The following SLC15A2 variants were observed in gnomAD, a reference collection of about 807,000 sequenced individuals.
The protein encoded by SLC15A2 is kidney H(+)/peptide cotransporter.
SLC15A2 carries 77 observed loss-of-function variants against 95.5 expected under a neutral mutation model. The observed-to-expected ratio is 0.81, with a 90% CI of 0.67 to 0.97. The LOEUF (loss-of-function observed/expected upper bound fraction) is 0.97, where lower values mean the gene tolerates loss of function less well. SLC15A2 is among the 50% of genes least tolerant of loss of function. The pLI is 0.00. For synonymous variants in SLC15A2, 306 were observed against 306.9 expected, an observed-to-expected ratio of 1.00 and a Z score of 0.03; for missense variants, 893 against 874.4, an observed-to-expected ratio of 1.02 and a Z score of -0.27.
At chr3:121,914,608 C>T (rs1391769574) in intron 5 of SLC15A2, among the ~76,000 whole-genome samples, 1 of 152,202 alleles carries the variant, frequency 6.6e-6, no homozygotes, top group Non-Finnish European at 1.5e-5. Context: ...CAGGCATTCA[C>T]TTAGTTAATA....
chr3:121,935,080 A>G (rs1172088917), intron 19 of SLC15A2, among the ~76,000 whole-genome samples: 1 of 152,164 alleles, frequency 6.6e-6, no homozygotes, highest in Non-Finnish European at 1.5e-5. Context: ...TGATTTTCGT[A>G]TATTGAACCA....
At position 121,915,221 on chromosome 3, in the gene SLC15A2, T is replaced by C. The variant is rs1288837601; in HGVS notation, c.529-6T>C. On this transcript the variant is annotated splice_region_variant and splice_polypyrimidine_tract_variant and intron_variant, in intron 5 of 21. Transcript: ENST00000489711. ...TTGCACTGATGATTTATCCTGTTTG[T>C]TTCAGGCAGAGGAACGGACTAGATA... is the stretch of plus-strand genomic sequence containing the variant. The C allele has an allele frequency of 2.5e-6, 4 of 1,608,740 alleles. No individual in the cohort carries two copies. Among genetic ancestry groups the C allele is most frequent in the Non-Finnish European group, 3.4e-6 (4 of 1,175,236 alleles).
chr3:121,901,620 CAT>C (rs1709521896), intron 3 of SLC15A2, among the ~76,000 whole-genome samples: 1 of 151,454 alleles, frequency 6.6e-6, no homozygotes, highest in Non-Finnish European at 1.5e-5. Flanking sequence ...GTGTGTGTAA[CAT>C]ATACAAACAG....
At position 121,940,450 on chromosome 3, in the gene SLC15A2, A is replaced by G. The variant is rs756850143; in HGVS notation, c.1975A>G (p.Ile659Val). Residue 659 changes from isoleucine (I) to valine (V), a missense_variant, in exon 21 of 22, where the codon ATC becomes GTC. By Grantham distance (29) the Ile-to-Val change is conservative. Coordinates refer to ENST00000489711, the MANE Select transcript of SLC15A2 (RefSeq NM_021082.4). ...WLLTIAVGNI[I>V]VLVVAQFSGL... Reference sequence around the variant, plus strand: ...ATTGACAATTGCAGTTGGGAATATCATCGTGCTTGTTGTGGCACAGTTCAG... The same window carrying G: ...ATTGACAATTGCAGTTGGGAATATCGTCGTGCTTGTTGTGGCACAGTTCAG... 1 of 1,613,966 alleles carries G rather than the reference A, an allele frequency of 6.2e-7. No homozygotes were observed. Among genetic ancestry groups the G allele is most frequent in the East Asian group, 2.2e-5 (1 of 44,882 alleles).
At chr3:121,922,743 G>A (rs1361070053) in intron 8 of SLC15A2, 32 bp from the exon 9 acceptor site, 1 of 1,526,392 alleles carries the variant, frequency 6.6e-7, no homozygotes, top group Non-Finnish European at 9.0e-7. Flanking sequence ...TTTTCTCTTT[G>A]TCTCTCCCAT....
chr3:121,932,497 C>A (rs1242300991), intron 19 of SLC15A2, among the ~76,000 whole-genome samples: 1 of 152,212 alleles, frequency 6.6e-6, no homozygotes, highest in Non-Finnish European at 1.5e-5. Context: ...TCAATCCCTA[C>A]ACAAAGTTTG....
chr3:121,911,728 C>A, intron 4 of SLC15A2, 62 bp downstream of exon 4: 1 of 1,124,878 alleles, frequency 8.9e-7, no homozygotes, highest in Non-Finnish European at 1.3e-6. Flanking sequence ...AAATTATTTT[C>A]TGTTTTCTTA....
At chr3:121,921,002 C>A (rs997473774) in intron 7 of SLC15A2, among the ~76,000 whole-genome samples, 3 of 152,084 alleles carry the variant, frequency 2.0e-5, no homozygotes, top group Non-Finnish European at 2.9e-5. Context: ...TTGAAAAAAC[C>A]ACTATTTTAT....
chr3:121,909,177 C>G (rs533550518), intron 3 of SLC15A2, among the ~76,000 whole-genome samples: 29 of 152,210 alleles, frequency 1.9e-4, no homozygotes, highest in African/African-American at 6.7e-4. Context: ...ATCCTCCCAT[C>G]TCAGCCTCCC....
At chr3:121,931,972 T>A (rs1710242690) in intron 19 of SLC15A2, among the ~76,000 whole-genome samples, 1 of 152,212 alleles carries the variant, frequency 6.6e-6, no homozygotes, top group South Asian at 2.1e-4. Flanking sequence ...CCATCTCGAC[T>A]CACTGCAACC....
At chr3:121,912,703 T>C (rs1297566247) in intron 4 of SLC15A2, among the ~76,000 whole-genome samples, 1 of 152,158 alleles carries the variant, frequency 6.6e-6, no homozygotes, top group East Asian at 1.9e-4. Flanking sequence ...CAAAACAAGA[T>C]TGGGAACCAG....
At position 121,923,239 on chromosome 3, in the gene SLC15A2, G is replaced by C. The variant is rs1382758329; in HGVS notation, c.975G>C (p.Leu325Phe). The change falls in exon 11 of 22, where the codon TTG (leucine) becomes TTC (phenylalanine). Residue 325 changes from leucine (L) to phenylalanine (F), a missense_variant. By Grantham distance (22) the Leu-to-Phe change is conservative (BLOSUM62 0). Transcript: ENST00000489711. ...LLDQQGSRWT[L>F]QAIRMNRNLG... ...TGCCCTAGGGTTCACGATGGACTTT[G>C]CAAGCCATCAGGATGAATAGGAATT... 2 of 1,613,948 alleles carry C rather than the reference G, an allele frequency of 1.2e-6. No homozygotes were observed. Among genetic ancestry groups the C allele is most frequent in the Non-Finnish European group, 8.5e-7 (1 of 1,179,864 alleles).
At chr3:121,907,541 T>G (rs1709677256) in intron 3 of SLC15A2, among the ~76,000 whole-genome samples, 1 of 152,224 alleles carries the variant, frequency 6.6e-6, no homozygotes, top group African/African-American at 2.4e-5. Flanking sequence ...GGTTTTGGTG[T>G]GGATGTCCTT....
intron 17 of SLC15A2, 111 bp downstream of exon 17, chr3:121,929,459 A>C (rs947280266): frequency 2.6e-6 from 3 of 1,167,066 alleles, no homozygotes; most frequent in African/African-American, 1.5e-5. Flanking sequence ...CTCTCGTAGA[A>C]TGCCAGGGGC....
At chr3:121,910,266 G>A (rs114942347) in intron 3 of SLC15A2, among the ~76,000 whole-genome samples, 7,020 of 144,016 alleles carry the variant, frequency 0.049, 246 homozygotes, top group Non-Finnish European at 0.071. Context: ...ACCATCTCTC[G>A]GCTCACTGCA....
Position 121,924,373 on chromosome 3 carries a change from A to T in SLC15A2, c.1025A>T (p.Asp342Val), listed in dbSNP as rs2107598058. Residue 342 changes from aspartate to valine, a missense_variant, in exon 12 of 22, where the codon GAC (aspartate) becomes GTC (valine). Transcript: ENST00000489711. The part of the protein sequence containing the change: ...RNLGFFVLQP[D>V]QMQVLNPLLV... Reference sequence around the variant, plus strand: ...CAGGGGTTTTTTGTGCTTCAGCCGGACCAGATGCAGGTATGTGACTCTTCT... The same window carrying T: ...CAGGGGTTTTTTGTGCTTCAGCCGGTCCAGATGCAGGTATGTGACTCTTCT... 6.2e-7 allele frequency: 1 copy of T among 1,613,616 alleles called. No homozygotes were observed. Among genetic ancestry groups the T allele is most frequent in the East Asian group, 2.2e-5 (1 of 44,878 alleles).
At chr3:121,909,808 T>C (rs1232213013) in intron 3 of SLC15A2, among the ~76,000 whole-genome samples, 3 of 119,500 alleles carry the variant, frequency 2.5e-5, no homozygotes, top group African/African-American at 9.6e-5. Context: ...AAAACATTAT[T>C]AGATTTTTTT....
At chr3:121,915,118 A>G in intron 5 of SLC15A2, 109 bp from the exon 6 acceptor site, 1 of 1,084,356 alleles carries the variant, frequency 9.2e-7, no homozygotes. Context: ...TTGTGGAGGC[A>G]ATATCTGAAT....
intron 19 of SLC15A2, among the ~76,000 whole-genome samples, chr3:121,934,371 A>G (rs963714708): frequency 8.6e-5 from 13 of 151,986 alleles, no homozygotes; most frequent in Non-Finnish European, 1.6e-4. Flanking sequence ...CCATTTTCAC[A>G]ATATTGATTC....
Sources: allele counts gnomAD v4.1 joint callset (sites outside exome capture counted in the v4.1 genomes callset), GRCh38; gene constraint gnomAD v4.1.1; transcripts MANE v1.5; gene names NCBI Gene and HGNC (gene_info 2026-07-23, HGNC 2026-07-21).